BPIFC: variants seen among roughly 807,000 people sequenced by gnomAD.
BPIFC encodes BPI fold-containing family C protein.
Under a neutral mutation model 57.6 loss-of-function variants are expected in BPIFC, and 60 were observed. The ratio of observed to expected loss-of-function variants is 1.04; its 90% CI spans 0.85 to 1.29. The LOEUF (loss-of-function observed/expected upper bound fraction) is 1.29, where lower values mean the gene tolerates loss of function less well. Ranked by LOEUF, BPIFC falls within the 50% of genes most tolerant of loss-of-function variation. The pLI, the probability that BPIFC is intolerant of heterozygous loss-of-function variation, is 0.00. For synonymous variants in BPIFC, 243 were observed against 224.5 expected, an observed-to-expected ratio of 1.08 and a Z score of -0.74; for missense variants, 581 against 600.5, an observed-to-expected ratio of 0.97 and a Z score of 0.34.
chr22:32,457,736 A>G (rs1935074885), intron 2 of BPIFC, among the ~76,000 whole-genome samples: 1 of 152,132 alleles, frequency 6.6e-6, no homozygotes, highest in Non-Finnish European at 1.5e-5. Flanking sequence ...AGTAGTGAAT[A>G]TGCATCCTTC....
chr22:32,421,144 T>G lies in BPIFC; in HGVS notation c.1218-1740A>C, dbSNP rs531585660. 8.5e-5 allele frequency among the ~76,000 whole-genome samples: 13 copies of G among 152,322 alleles called. No individual in the cohort carries two copies. The Middle Eastern group carries it at 0.01, about 120-fold the overall frequency. ...TGACAGCGTGTCCTGTTGCTTGATA[T>G]TTTATGGGAATTTTCATAAGAAAAC... On this transcript the variant is annotated intron_variant, in intron 13 of 16. Transcript: ENST00000300399.
intron 1 of BPIFC, among the ~76,000 whole-genome samples, chr22:32,462,502 G>A (rs529051920): frequency 1.3e-5 from 2 of 152,176 alleles, no homozygotes; most frequent in African/African-American, 4.8e-5. Context: ...AACCAGAGAA[G>A]AAATATTACT....
Position 32,414,320 on chromosome 22 carries a change from C to T in BPIFC, c.1507G>A (p.Gly503Arg). The T allele has an allele frequency of 8.1e-6, 13 of 1,613,680 alleles. No individual in the cohort carries two copies. The highest frequency in any genetic ancestry group is 1.0e-5 in the Non-Finnish European group (12 of 1,179,770). ...GLNLISRQWR[G>R]KSAP is the part of the protein sequence containing the mutation. The stretch of plus-strand genomic sequence containing the variant: ...ACCGGCAATCAAGGGGCTGACTTCC[C>T]CCTCCACTGTCTGCTTATCAGGTTC... Residue 503 changes from glycine (G) to arginine (R), a missense_variant, in exon 17 of 17, where the codon GGG becomes AGG. Gly to Arg is a moderately radical substitution (Grantham distance 125). Coordinates refer to ENST00000300399, the MANE Select transcript of BPIFC (RefSeq NM_174932.3).
chr22:32,463,463 T>C (rs1407561963), intron 1 of BPIFC, among the ~76,000 whole-genome samples: 1 of 152,200 alleles, frequency 6.6e-6, no homozygotes, highest in African/African-American at 2.4e-5. Flanking sequence ...TAAATGGTCC[T>C]TGTGTGAGTC....
chr22:32,447,211 C>A lies in BPIFC; in HGVS notation c.374+1G>T. ...TGCAGACATTTCAGTGGAATACTCA[C>A]AAAAGTGGAGACTCGAACCCCCAGT... On this transcript the variant is annotated splice_donor_variant, in intron 5 of 16. Coordinates refer to ENST00000300399, the MANE Select transcript of BPIFC (RefSeq NM_174932.3). LOFTEE classifies it high-confidence loss of function. The A allele has an allele frequency of 6.3e-7, 1 of 1,594,210 alleles. No homozygotes were observed.
In BPIFC at chr22:32,414,116, C is replaced by T. The variant is rs1933600917; in HGVS notation, c.*187G>A. 1.8e-5 allele frequency: 10 copies of T among 570,958 alleles called. No individual in the cohort carries two copies. The South Asian group carries it at 2.3e-4, about 13-fold the overall frequency. 35.4% of individuals were successfully genotyped at this position (570,958 alleles called of 1,614,324 possible). A position where few individuals can be genotyped will look rare whatever the true frequency, so the allele number is the denominator to read the frequency against. The stretch of plus-strand genomic sequence containing the variant: ...CATGCATACACTCACATTCAGACAC[C>T]TCTATTTATCCCTTTAACAGAGTCT... On this transcript the variant is annotated 3_prime_UTR_variant, in exon 17 of 17. Transcript: ENST00000300399.
chr22:32,448,928 C>T (rs1032580400), intron 4 of BPIFC, among the ~76,000 whole-genome samples: 1 of 150,824 alleles, frequency 6.6e-6, no homozygotes, highest in African/African-American at 2.4e-5. Context: ...CAGTGTGAGA[C>T]TTCGTCTCAA....
chr22:32,459,362 C>G (rs1935110512), intron 2 of BPIFC, among the ~76,000 whole-genome samples: 1 of 152,012 alleles, frequency 6.6e-6, no homozygotes, highest in South Asian at 2.1e-4. Flanking sequence ...GACCCCATCT[C>G]TACAAAAAAT....
chr22:32,439,533 G>C (rs902067318), intron 8 of BPIFC, among the ~76,000 whole-genome samples: 1 of 152,170 alleles, frequency 6.6e-6, no homozygotes, highest in Non-Finnish European at 1.5e-5. Flanking sequence ...CATAGATGGA[G>C]ATGAAAAGCA....
chr22:32,433,676 T>C, intron 11 of BPIFC, 43 bp downstream of exon 11: 2 of 1,571,856 alleles, frequency 1.3e-6, no homozygotes, highest in Non-Finnish European at 1.8e-6. Flanking sequence ...GTAATTGCAA[T>C]GGAGCCAAAT....
At chr22:32,444,608 C>T (rs1934662468) in intron 7 of BPIFC, among the ~76,000 whole-genome samples, 2 of 152,310 alleles carry the variant, frequency 1.3e-5, no homozygotes, top group South Asian at 4.1e-4. Flanking sequence ...TCTTTCCCTT[C>T]TTCAGACACT....
At chr22:32,416,698 A>G (rs1346206926) in intron 15 of BPIFC, among the ~76,000 whole-genome samples, 1 of 152,214 alleles carries the variant, frequency 6.6e-6, no homozygotes, top group Non-Finnish European at 1.5e-5. Flanking sequence ...CATTCATGAA[A>G]ACTGTGTCTA....
chr22:32,451,954 G>A (rs1934906619), intron 4 of BPIFC, among the ~76,000 whole-genome samples: 1 of 152,166 alleles, frequency 6.6e-6, no homozygotes, highest in African/African-American at 2.4e-5. Context: ...AGGCTGGAGT[G>A]CAGTGGCACA....
At chr22:32,454,557 GTAACCTCCATAGT>G (rs1934987446) in intron 3 of BPIFC, among the ~76,000 whole-genome samples, 1 of 152,208 alleles carries the variant, frequency 6.6e-6, no homozygotes. Flanking sequence ...CTTGAGAAAA[GTAACCTCCATAGT>G]TAATGAAGAA....
At chr22:32,428,276 C>CGT (rs56020393) in intron 13 of BPIFC, among the ~76,000 whole-genome samples, 3,136 of 146,554 alleles carry the variant, frequency 0.021, 38 homozygotes, top group Middle Eastern at 0.035. Context: ...TGTGCGCGCG[C>CGT]GTGTGTGTGT....
intron 14 of BPIFC, among the ~76,000 whole-genome samples, chr22:32,418,008 A>T (rs997965534): frequency 4.6e-5 from 7 of 152,138 alleles, no homozygotes; most frequent in Admixed American, 2.0e-4. Context: ...TATGTATGAA[A>T]CTATTATGCT....
chr22:32,422,352 G>A (rs1569447188), intron 13 of BPIFC, among the ~76,000 whole-genome samples: 1 of 152,096 alleles, frequency 6.6e-6, no homozygotes, highest in Non-Finnish European at 1.5e-5. Flanking sequence ...CACAAAGCAA[G>A]GTATACTCAG....
chr22:32,450,583 T>C (rs1217295411), intron 4 of BPIFC, among the ~76,000 whole-genome samples: 1 of 152,034 alleles, frequency 6.6e-6, no homozygotes, highest in Non-Finnish European at 1.5e-5. Flanking sequence ...AATATAAAAA[T>C]TACTAATGAG....
intron 2 of BPIFC, 28 bp downstream of exon 2, chr22:32,461,546 T>A (rs1235437502): frequency 6.1e-6 from 6 of 979,294 alleles, no homozygotes; most frequent in African/African-American, 1.8e-5. Context: ...AGTAACAGCA[T>A]CTTAACACTC....
Sources: allele counts gnomAD v4.1 joint callset (sites outside exome capture counted in the v4.1 genomes callset), GRCh38; gene constraint gnomAD v4.1.1; transcripts MANE v1.5; gene names NCBI Gene and HGNC (gene_info 2026-07-23, HGNC 2026-07-21).